Variants in HERC1 observed in about 807,000 individuals in gnomAD.
HERC1 encodes the protein probable E3 ubiquitin-protein ligase HERC1.
In HERC1, 160 loss-of-function variants were observed where a neutral mutation model predicts 554.3. The observed-to-expected ratio is 0.29, with a 90% confidence interval of 0.25 to 0.33. HERC1 has a LOEUF of 0.33. Among genes scored for constraint, HERC1 ranks in the 10% least tolerant of loss-of-function variants. HERC1 has a pLI of 1.00. For synonymous variants in HERC1, 2,175 were observed against 2,131.7 expected (o/e 1.02, Z -0.56); for missense variants, 4,919 against 5,918.5 (o/e 0.83, Z 5.54).
At chr15:63,770,579 C>T (rs2075921420) in intron 2 of HERC1, among the ~76,000 whole-genome samples, 1 of 152,224 alleles carries the variant, frequency 6.6e-6, no homozygotes, top group African/African-American at 2.4e-5. Flanking sequence ...GATTACTTCC[C>T]TATTCTCATA....
At position 63,664,566 on chromosome 15, in the gene HERC1, C is replaced by T. The variant is rs1378480176; in HGVS notation, c.8584G>A (p.Ala2862Thr). The change falls in exon 43 of 78, where the codon GCA (alanine) becomes ACA (threonine). Residue 2862 changes from alanine to threonine, a missense_variant. Physicochemically the swap from Ala to Thr is moderately conservative, Grantham distance 58. Around this residue, in one of 11 missense-constraint regions of HERC1, gnomAD observed 1,963 missense variants for 2,228.6 expected, o/e 0.88. Transcript: ENST00000443617. ...GCTGATGGTCCACTTCCAGAAGCTG[C>T]ATTCTCTGTATGATCCAAATTATCA... ...SPDNLDHTEN[A>T]ASGSGPSARG... The T allele has an allele frequency of 6.2e-7, 1 of 1,613,650 alleles. No homozygotes were observed. Among genetic ancestry groups the T allele is most frequent in the African/African-American group, 1.3e-5 (1 of 75,034 alleles).
At position 63,664,489 on chromosome 15, in the gene HERC1, G is replaced by A; in HGVS notation, c.8661C>T (p.Arg2887=). The A allele has an allele frequency of 6.2e-7, 1 of 1,613,590 alleles. No individual in the cohort carries two copies. Among genetic ancestry groups the A allele is most frequent in the Non-Finnish European group, 8.5e-7 (1 of 1,179,648 alleles). Residue 2887 remains arginine (R), a synonymous_variant, in exon 43 of 78, where the codon CGC becomes CGT. Coordinates refer to ENST00000443617, the MANE Select transcript of HERC1 (RefSeq NM_003922.4). The part of the protein sequence containing the change: ...TRRHKFDLAA[R]TLLARAAGLY... ...AATTACCTGCTCTTGCTAGCAGTGT[G>A]CGAGCAGCTAAGTCAAACTTGTGTC...
chr15:63,647,039 G>A (rs1370341054), intron 55 of HERC1, among the ~76,000 whole-genome samples: 1 of 152,050 alleles, frequency 6.6e-6, no homozygotes, highest in African/African-American at 2.4e-5. Context: ...TGGATCACTT[G>A]AGGTCAGGAG....
At chr15:63,746,838 A>T in intron 12 of HERC1, 80 bp downstream of exon 12, 1 of 1,184,224 alleles carries the variant, frequency 8.4e-7, no homozygotes, top group Non-Finnish European at 1.2e-6. Flanking sequence ...TGTCCAATGT[A>T]CAGTTGAATA....
intron 34 of HERC1, among the ~76,000 whole-genome samples, chr15:63,683,440 CT>C (rs1567009822): frequency 6.6e-6 from 1 of 152,120 alleles, no homozygotes; most frequent in Non-Finnish European, 1.5e-5. Context: ...TAGACATATG[CT>C]TTTAGAGTTT....
At chr15:63,728,449 T>C (rs1030753278) in intron 16 of HERC1, among the ~76,000 whole-genome samples, 3 of 152,208 alleles carry the variant, frequency 2.0e-5, no homozygotes, top group Non-Finnish European at 4.4e-5. Flanking sequence ...TTAGTTGCTG[T>C]GGAACAGCCA....
chr15:63,775,513 C>T lies in HERC1; in HGVS notation c.111G>A (p.Leu37=), dbSNP rs190733516. Residue 37 remains leucine, a synonymous_variant, in exon 2 of 78, where the codon CTG becomes CTA. Coordinates refer to ENST00000443617, the MANE Select transcript of HERC1 (RefSeq NM_003922.4). The surrounding 1 kb of genome is among the most constrained non-coding windows in gnomAD (Gnocchi z 4.0). ...CCTTATTGCTAACCAGTTTAGAATA[C>T]AGAACAGCAACTCCCTCTCTTGTAG... ...SIATREGVAV[L]YSKLVSNKEV... 378 of 1,613,992 alleles carry T rather than the reference C, an allele frequency of 2.3e-4. 3 individuals are homozygous for T. In the African/African-American group the frequency reaches 4.3e-3, roughly 18 times the overall value.
intron 25 of HERC1, among the ~76,000 whole-genome samples, chr15:63,703,102 T>C (rs1389802842): frequency 8.0e-5 from 11 of 136,982 alleles, no homozygotes; most frequent in Non-Finnish European, 1.4e-4. Context: ...AGAGCGAGAC[T>C]CTGTCTCAAA....
chr15:63,833,633 C>A (rs2078235139), intron 1 of HERC1, among the ~76,000 whole-genome samples, 194 bp downstream of exon 1: 1 of 151,884 alleles, frequency 6.6e-6, no homozygotes, highest in Non-Finnish European at 1.5e-5. Context: ...CCGCGGCGCG[C>A]CAGGAGGGCT....
chr15:63,658,946 G>C (rs2070199656), intron 47 of HERC1, among the ~76,000 whole-genome samples: 1 of 152,094 alleles, frequency 6.6e-6, no homozygotes, highest in East Asian at 1.9e-4. Context: ...TTTACCATAG[G>C]AGTATTTATA....
At chr15:63,755,053 T>C (rs1213451191) in intron 6 of HERC1, among the ~76,000 whole-genome samples, 176 bp downstream of exon 6, 2 of 152,212 alleles carry the variant, frequency 1.3e-5, no homozygotes, top group Admixed American at 1.3e-4. Flanking sequence ...TTTAATTACA[T>C]TTAAATATCA....
chr15:63,799,100 T>C lies in HERC1; in HGVS notation c.-26-23451A>G, dbSNP rs144872006. On this transcript the variant is annotated intron_variant, in intron 1 of 77. Transcript: ENST00000443617. ...GACAAGTTAACTTCAAATCAGTCAA[T>C]GACACGGAGTTGTTCAACAAAATTA... Among the ~76,000 whole-genome samples, 412 of 152,316 alleles carry C rather than the reference T, an allele frequency of 2.7e-3. 1 individual carries two copies. Among genetic ancestry groups the C allele is most frequent in the African/African-American group, 9.3e-3 (387 of 41,580 alleles).
chr15:63,619,067 T>A (rs572135031), intron 74 of HERC1, among the ~76,000 whole-genome samples: 1 of 152,206 alleles, frequency 6.6e-6, no homozygotes, highest in Non-Finnish European at 1.5e-5. Context: ...CATCCCTCTC[T>A]TGTGCCAGTT....
At chr15:63,723,574 C>CA (rs1026518830) in intron 18 of HERC1, among the ~76,000 whole-genome samples, 2 of 152,046 alleles carry the variant, frequency 1.3e-5, no homozygotes, top group Non-Finnish European at 2.9e-5. Flanking sequence ...TGTGACACTC[C>CA]AAAAAAACCT....
intron 1 of HERC1, among the ~76,000 whole-genome samples, chr15:63,809,507 A>C (rs960832642): frequency 6.6e-6 from 1 of 152,020 alleles, no homozygotes; most frequent in African/African-American, 2.4e-5. Context: ...AAGGCTACAC[A>C]TCAGGAGCTG....
chr15:63,769,988 C>T (rs978553163), intron 2 of HERC1, among the ~76,000 whole-genome samples: 6 of 152,174 alleles, frequency 3.9e-5, no homozygotes, highest in South Asian at 2.1e-4. Context: ...TAAGATTAGA[C>T]GGAGTACATT....
intron 12 of HERC1, among the ~76,000 whole-genome samples, chr15:63,745,083 TCTGA>T (rs1720935503): frequency 6.6e-6 from 1 of 152,170 alleles, no homozygotes; most frequent in African/African-American, 2.4e-5. Context: ...GACTTGCGAC[TCTGA>T]CTGGTCCCCT....
intron 1 of HERC1, among the ~76,000 whole-genome samples, chr15:63,808,979 C>T (rs186175034): frequency 9.8e-5 from 15 of 152,300 alleles, no homozygotes; most frequent in African/African-American, 3.1e-4. Flanking sequence ...TTCAAGAACT[C>T]ATTCTTATGG....
At position 63,626,027 on chromosome 15, in the gene HERC1, C is replaced by T. The variant is rs1029154469; in HGVS notation, c.13233G>A (p.Met4411Ile). 1 of 1,612,394 alleles carries T rather than the reference C, an allele frequency of 6.2e-7. No homozygotes were observed. Among genetic ancestry groups the T allele is most frequent in the African/African-American group, 1.3e-5 (1 of 75,006 alleles). Reference sequence around the variant, plus strand: ...GGTTCAGCAGTCTCCAGGATGAGTACATGAGGTCAGAGAAGTGGTAGAGCA... The same window carrying T: ...GGTTCAGCAGTCTCCAGGATGAGTATATGAGGTCAGAGAAGTGGTAGAGCA... Reference protein sequence around the residue: ...LRLLYHFSDLMYSSWRLLNLS... With the variant: ...LRLLYHFSDLIYSSWRLLNLS... Residue 4411 changes from methionine to isoleucine, a missense_variant, in exon 71 of 78, where the codon ATG becomes ATA. Met to Ile is a conservative substitution (Grantham distance 10, BLOSUM62 1). This residue lies in a region of HERC1 where 410 missense variants were observed against 467.0 expected (regional missense o/e 0.88). Transcript: ENST00000443617.
Sources: allele counts gnomAD v4.1 joint callset (sites outside exome capture counted in the v4.1 genomes callset), GRCh38; gene constraint gnomAD v4.1.1; regional missense constraint gnomAD v4.1.1; non-coding constraint Gnocchi (gnomAD v3.1); transcripts MANE v1.5; gene names NCBI Gene and HGNC (gene_info 2026-07-23, HGNC 2026-07-21).